Variants in CNTNAP2 observed in about 807,000 individuals in gnomAD.
The protein encoded by CNTNAP2 is contactin-associated protein-like 2.
Under a neutral mutation model 155.2 loss-of-function variants are expected in CNTNAP2, and 98 were observed. The observed-to-expected ratio is 0.63, with a 90% CI of 0.54 to 0.75. The LOEUF is 0.75. Among genes scored for constraint, CNTNAP2 ranks in the 30% least tolerant of loss-of-function variants. The pLI, the probability that CNTNAP2 is intolerant of heterozygous loss-of-function variation, is 0.00. For missense variants in CNTNAP2, 1,727 were observed against 1,688.1 expected (o/e 1.02, Z -0.40); for synonymous variants, 651 against 631.2 (o/e 1.03, Z -0.47).
At chr7:147,213,730 C>A (rs926182975) in intron 8 of CNTNAP2, among the ~76,000 whole-genome samples, 1 of 151,944 alleles carries the variant, frequency 6.6e-6, no homozygotes, top group African/African-American at 2.4e-5. Flanking sequence ...GGCTGGAAAC[C>A]CTGAGATGCT....
chr7:147,693,203 CTATT>C (rs779982748), intron 13 of CNTNAP2, among the ~76,000 whole-genome samples: 4 of 152,032 alleles, frequency 2.6e-5, no homozygotes, highest in Admixed American at 2.6e-4. Flanking sequence ...TTCAGCTAAT[CTATT>C]TGTCTAATCT....
At chr7:146,831,066 C>G (rs1251186116) in intron 2 of CNTNAP2, among the ~76,000 whole-genome samples, 1 of 152,106 alleles carries the variant, frequency 6.6e-6, no homozygotes, top group African/African-American at 2.4e-5. Flanking sequence ...TTATGCTGTT[C>G]TATTAAACAA....
At chr7:146,550,418 T>TTC (rs1554447449) in intron 1 of CNTNAP2, among the ~76,000 whole-genome samples, 1 of 139,754 alleles carries the variant, frequency 7.2e-6, no homozygotes, top group East Asian at 2.1e-4. Context: ...TTTTTTTTTT[T>TTC]TTTTTTTTTT....
chr7:147,673,296 G>A (rs1410346048), intron 13 of CNTNAP2, among the ~76,000 whole-genome samples: 1 of 152,216 alleles, frequency 6.6e-6, no homozygotes, highest in Non-Finnish European at 1.5e-5. Context: ...GTGTGAGTTA[G>A]TTGGAGGTAA....
intron 12 of CNTNAP2, among the ~76,000 whole-genome samples, chr7:147,606,952 A>G (rs1801080433): frequency 6.6e-6 from 1 of 152,014 alleles, no homozygotes; most frequent in Admixed American, 6.5e-5. Flanking sequence ...AATGAGTGAA[A>G]TCACCAAATG....
intron 11 of CNTNAP2, among the ~76,000 whole-genome samples, chr7:147,520,975 G>T (rs1799220502): frequency 6.6e-6 from 1 of 152,218 alleles, no homozygotes; most frequent in Non-Finnish European, 1.5e-5. Context: ...TAGCATGAGG[G>T]TTGGTAAGTA....
At chr7:147,964,670 T>C (rs974107197) in intron 14 of CNTNAP2, among the ~76,000 whole-genome samples, 4 of 152,226 alleles carry the variant, frequency 2.6e-5, no homozygotes, top group Non-Finnish European at 1.5e-5. Flanking sequence ...CTTACTCCTT[T>C]TGAGGCATTT....
intron 1 of CNTNAP2, among the ~76,000 whole-genome samples, chr7:146,732,256 G>A (rs879681560): frequency 7.9e-5 from 12 of 151,984 alleles, no homozygotes; most frequent in Admixed American, 1.3e-4. Context: ...TTATAAAGCC[G>A]ATGACATAAA....
At chr7:146,519,929 A>G (rs915742168) in intron 1 of CNTNAP2, among the ~76,000 whole-genome samples, 5 of 151,802 alleles carry the variant, frequency 3.3e-5, no homozygotes, top group Non-Finnish European at 7.4e-5. Context: ...AGGGAATTTT[A>G]TGGGGGAAAA....
intron 8 of CNTNAP2, among the ~76,000 whole-genome samples, chr7:147,281,218 C>A (rs1020053522): frequency 3.3e-5 from 5 of 151,826 alleles, no homozygotes; most frequent in African/African-American, 9.7e-5. Flanking sequence ...ATATAATAAA[C>A]CTCTGGTGCA....
In CNTNAP2 at chr7:147,642,230, C is replaced by G. The variant is rs190188506; in HGVS notation, c.2098+2924C>G. ...GTAGGGGTGGAGGTGGGGACAAATT[C>G]CTGACCAGCAAAAGAACCTTGGTAC... On this transcript the variant is annotated intron_variant, in intron 13 of 23. Coordinates refer to ENST00000361727, the MANE Select transcript of CNTNAP2 (RefSeq NM_014141.6). 3.1e-3 allele frequency among the ~76,000 whole-genome samples: 470 copies of G among 152,062 alleles called. 1 individual carries two copies. Among genetic ancestry groups the G allele is most frequent in the African/African-American group, 0.01 (430 of 41,476 alleles).
chr7:148,409,223 G>T (rs962310346), intron 22 of CNTNAP2, among the ~76,000 whole-genome samples, 168 bp from the exon 23 acceptor site: 1 of 152,232 alleles, frequency 6.6e-6, no homozygotes, highest in Non-Finnish European at 1.5e-5. Context: ...AGGGATGGAG[G>T]CTGTTGTGAT....
chr7:146,594,838 C>A (rs1798835404), intron 1 of CNTNAP2, among the ~76,000 whole-genome samples: 1 of 151,786 alleles, frequency 6.6e-6, no homozygotes, highest in Admixed American at 6.6e-5. Flanking sequence ...TTAAAAATAC[C>A]AATTTGTAGT....
intron 3 of CNTNAP2, among the ~76,000 whole-genome samples, chr7:146,937,233 T>A (rs1031653881): frequency 8.6e-5 from 13 of 150,850 alleles, no homozygotes; most frequent in Non-Finnish European, 1.5e-4. Flanking sequence ...TTAAAAAAAA[T>A]AGAAAAACTT....
rs920769069 is a variant in CNTNAP2, at chr7:146,327,740, G to A, written c.97+210767G>A. ...TTAACTAAAGTGAACTTTTGATACG[G>A]AAACAAAAAGAATATTAAGCATGTC... On this transcript the variant is annotated intron_variant, in intron 1 of 23. Transcript: ENST00000361727. Among the ~76,000 whole-genome samples the A allele has an allele frequency of 5.9e-5, 9 of 152,130 alleles. No individual in the cohort carries two copies. In the South Asian group the frequency reaches 1.9e-3, roughly 32 times the overall value.
intron 1 of CNTNAP2, among the ~76,000 whole-genome samples, chr7:146,317,938 G>A (rs1005949427): frequency 1.6e-4 from 25 of 152,114 alleles, no homozygotes; most frequent in African/African-American, 5.6e-4. Context: ...TCAGGAGATC[G>A]AGACAATCCT....
intron 9 of CNTNAP2, among the ~76,000 whole-genome samples, chr7:147,322,773 G>T (rs1160001992): frequency 7.0e-6 from 1 of 142,840 alleles, no homozygotes; most frequent in Non-Finnish European, 1.5e-5. Flanking sequence ...GGTCTATTCA[G>T]AGATTCAACT....
intron 21 of CNTNAP2, among the ~76,000 whole-genome samples, chr7:148,330,632 C>T (rs1422072079): frequency 8.8e-5 from 10 of 113,164 alleles, no homozygotes; most frequent in South Asian, 3.1e-4. Flanking sequence ...ATGGAGTGGA[C>T]GGACGGAGTG....
intron 1 of CNTNAP2, among the ~76,000 whole-genome samples, chr7:146,308,185 C>T (rs1321765450): frequency 2.6e-5 from 4 of 152,300 alleles, no homozygotes; most frequent in Non-Finnish European, 4.4e-5. Context: ...ACAGACACTT[C>T]TCAAAAGAAG....
Sources: allele counts gnomAD v4.1 joint callset (sites outside exome capture counted in the v4.1 genomes callset), GRCh38; gene constraint gnomAD v4.1.1; transcripts MANE v1.5; gene names NCBI Gene and HGNC (gene_info 2026-07-23, HGNC 2026-07-21).